SP3: variants seen among roughly 807,000 people sequenced by gnomAD.
The protein encoded by SP3 is transcription factor Sp3.
Under a neutral mutation model 70.3 loss-of-function variants are expected in SP3, and 10 were observed. The observed-to-expected ratio is 0.14, with a 90% CI of 0.09 to 0.24. SP3 has a LOEUF of 0.24. Ranked by LOEUF, SP3 falls within the 10% of genes least tolerant of loss-of-function variation. The pLI is 1.00. For synonymous variants in SP3, 402 were observed against 333.5 expected, an observed-to-expected ratio of 1.21 and a Z score of -2.24; for missense variants, 825 against 914.6, an observed-to-expected ratio of 0.90 and a Z score of 1.26.
rs202061327 is a variant in SP3 at position 173,961,096 on chromosome 2, G to A, written c.279+2665C>T. ...TGGTCAAAGTTAATACTTGCACAAA[G>A]GTCTACTTTTTTCTATTTCCTGGTT... On this transcript the variant is annotated intron_variant, in intron 3 of 6. Transcript: ENST00000310015. 3.3e-5 allele frequency among the ~76,000 whole-genome samples: 5 copies of A among 152,242 alleles called. No individual in the cohort carries two copies. The East Asian group carries it at 9.6e-4, about 29-fold the overall frequency.
At chr2:173,962,258 A>G (rs1341317992) in intron 3 of SP3, among the ~76,000 whole-genome samples, 1 of 152,156 alleles carries the variant, frequency 6.6e-6, no homozygotes, top group Non-Finnish European at 1.5e-5. Context: ...CCCCATCTGT[A>G]AACTGATATC....
At chr2:173,930,702 TC>T (rs747312445) in intron 4 of SP3, among the ~76,000 whole-genome samples, 3 of 152,232 alleles carry the variant, frequency 2.0e-5, no homozygotes, top group Non-Finnish European at 4.4e-5. Flanking sequence ...GTTTCTAGCA[TC>T]TAACATCAGT....
rs1689380007 is a variant in SP3 at position 173,908,151 on chromosome 2, C to G, written c.*1790G>C. 1 of 151,972 alleles carries G rather than the reference C, an allele frequency of 6.6e-6. No individual in the cohort carries two copies. The highest frequency in any genetic ancestry group is 6.6e-5 in the Admixed American group (1 of 15,262). The allele number at this position is 151,972 out of a possible 1,614,324, so 9.4% of individuals were successfully genotyped here. A position where few individuals can be genotyped will look rare whatever the true frequency, so the allele number is the denominator to read the frequency against. Reference sequence around the variant, plus strand: ...TTCAAGTAACTCCTGCCATGGTTACCAACGCTTGTCTTATCATTTTCAGGA... The same window carrying G: ...TTCAAGTAACTCCTGCCATGGTTACGAACGCTTGTCTTATCATTTTCAGGA... On this transcript the variant is annotated 3_prime_UTR_variant, in exon 7 of 7. Coordinates refer to ENST00000310015, the MANE Select transcript of SP3 (RefSeq NM_003111.5).
chr2:173,911,368 C>CA (rs1157318837), intron 6 of SP3, among the ~76,000 whole-genome samples: 3 of 151,960 alleles, frequency 2.0e-5, no homozygotes, highest in Non-Finnish European at 2.9e-5. Flanking sequence ...TTCACCGCTA[C>CA]AAAAAAAGGT....
chr2:173,934,249 G>C (rs77987140), intron 4 of SP3, among the ~76,000 whole-genome samples: 2 of 150,448 alleles, frequency 1.3e-5, no homozygotes, highest in Non-Finnish European at 3.0e-5. Flanking sequence ...AAAAAAAAAA[G>C]AGCAAACACT....
chr2:173,943,195 C>T (rs967407946), intron 4 of SP3, among the ~76,000 whole-genome samples: 1 of 152,136 alleles, frequency 6.6e-6, no homozygotes, highest in African/African-American at 2.4e-5. Context: ...TAAAACCTGC[C>T]AATGTTTTCC....
intron 4 of SP3, among the ~76,000 whole-genome samples, chr2:173,945,160 T>A (rs542390890): frequency 6.6e-6 from 1 of 152,326 alleles, no homozygotes; most frequent in African/African-American, 2.4e-5. Flanking sequence ...TGAACACTAT[T>A]TTTCCATAGA....
At chr2:173,952,379 A>T (rs1232362223) in intron 4 of SP3, among the ~76,000 whole-genome samples, 1 of 152,194 alleles carries the variant, frequency 6.6e-6, no homozygotes, top group East Asian at 1.9e-4. Context: ...AAACCATAAA[A>T]AGATACCACT....
At chr2:173,922,277 A>C (rs981430839) in intron 4 of SP3, among the ~76,000 whole-genome samples, 4 of 151,374 alleles carry the variant, frequency 2.6e-5, no homozygotes, top group African/African-American at 9.7e-5. Flanking sequence ...AAGAAGTTAA[A>C]AACACTCCCA....
chr2:173,915,463 C>T (rs977998834), intron 5 of SP3: 7 of 152,248 alleles, frequency 4.6e-5, no homozygotes, highest in South Asian at 2.1e-4. Context: ...ATCCACACCA[C>T]TAATGCCTAT....
upstream of SP3, chr2:173,965,467 G>T (rs753601850): frequency 5.4e-6 from 2 of 367,764 alleles, no homozygotes; most frequent in Non-Finnish European, 9.8e-6. Flanking sequence ...CTGTCCGTCG[G>T]TCTGCCAGGC....
rs543912819 is a variant in SP3 at position 173,964,059 on chromosome 2, G to T, written c.157-176C>A. 7.1e-4 allele frequency: 240 copies of T among 338,712 alleles called. 1 individual carries two copies. Among genetic ancestry groups the T allele is most frequent in the Middle Eastern group, 3.4e-3 (4 of 1,164 alleles). 21.0% of individuals were successfully genotyped at this position (338,712 alleles called of 1,614,324 possible). A position where few individuals can be genotyped will look rare whatever the true frequency, so the allele number is the denominator to read the frequency against. ...CCTCCTGGTCCCGCCGCCAGCCCAC[G>T]CCTGGCGTCCCCCGCTCCAAGCACC... On this transcript the variant is annotated intron_variant, in intron 2 of 6. Coordinates refer to ENST00000310015, the MANE Select transcript of SP3 (RefSeq NM_003111.5).
intron 3 of SP3, among the ~76,000 whole-genome samples, chr2:173,962,190 C>G (rs552880611): frequency 1.2e-4 from 19 of 152,260 alleles, no homozygotes; most frequent in African/African-American, 4.6e-4. Flanking sequence ...GGGCCTCAGA[C>G]TCACATATGT....
At chr2:173,950,104 G>A (rs904234282) in intron 4 of SP3, among the ~76,000 whole-genome samples, 4 of 152,126 alleles carry the variant, frequency 2.6e-5, no homozygotes, top group African/African-American at 9.7e-5. Flanking sequence ...ACAGAAATAT[G>A]TAAGATTAGT....
At chr2:173,959,628 G>A in intron 3 of SP3, among the ~76,000 whole-genome samples, 1 of 151,978 alleles carries the variant, frequency 6.6e-6, no homozygotes, top group East Asian at 1.9e-4. Context: ...GGACTCTGGG[G>A]CTGTAGTCCC....
Position 173,965,311 on chromosome 2 carries a change from G to C in SP3, c.-140C>G. 1 of 991,288 alleles carries C rather than the reference G, an allele frequency of 1.0e-6. No homozygotes were observed. Among genetic ancestry groups the C allele is most frequent in the South Asian group, 1.5e-5 (1 of 67,838 alleles). 61.4% of individuals were successfully genotyped at this position (991,288 alleles called of 1,614,324 possible). On this transcript the variant is annotated 5_prime_UTR_variant, in exon 1 of 7. In the 5' UTR this introduces an upstream ATG that the reference lacks. Transcript: ENST00000310015. The stretch of plus-strand genomic sequence containing the variant: ...TCCGGGGATTTTTTTTTCCTATTTT[G>C]ATTGACTGTGCGGGAAACACAAAAG...
At chr2:173,936,174 G>A (rs1270849486) in intron 4 of SP3, among the ~76,000 whole-genome samples, 2 of 152,038 alleles carry the variant, frequency 1.3e-5, no homozygotes, top group Admixed American at 1.3e-4. Context: ...ACAAGCACAC[G>A]CCACCACACC....
intron 4 of SP3, among the ~76,000 whole-genome samples, chr2:173,952,560 G>C (rs1007155264): frequency 6.6e-6 from 1 of 152,118 alleles, no homozygotes; most frequent in African/African-American, 2.4e-5. Context: ...CCAGTCCCAG[G>C]TACATACCCA....
At chr2:173,952,100 C>CCTT (rs1285520909) in intron 4 of SP3, among the ~76,000 whole-genome samples, 1 of 125,778 alleles carries the variant, frequency 8.0e-6, no homozygotes, top group Non-Finnish European at 1.7e-5. Context: ...AGGCTCACTT[C>CCTT]ATTTTTTTTT....
Sources: gnomAD v4.1 joint callset for allele counts (sites outside exome capture counted in the v4.1 genomes callset) on GRCh38, gnomAD v4.1.1 for gene constraint, MANE v1.5 for transcripts, NCBI Gene and HGNC (gene_info 2026-07-23, HGNC 2026-07-21) for gene names.